LIPA: variants seen among roughly 807,000 people sequenced by gnomAD.
The protein encoded by LIPA is lysosomal acid lipase/cholesteryl ester hydrolase.
A neutral mutation model predicts 40.6 loss-of-function variants in LIPA; 26 were observed. The ratio of observed to expected loss-of-function variants is 0.64; its 90% CI spans 0.47 to 0.89. The LOEUF (loss-of-function observed/expected upper bound fraction) is 0.89. Ranked by LOEUF, LIPA falls within the 40% of genes least tolerant of loss-of-function variation. The pLI, the probability that LIPA is intolerant of heterozygous loss-of-function variation, is 0.00. For missense variants in LIPA, 455 were observed against 479.6 expected, an observed-to-expected ratio of 0.95 and a Z score of 0.48; for synonymous variants, 188 against 168.4, an observed-to-expected ratio of 1.12 and a Z score of -0.90.
chr10:89,218,209 A>C (rs191658172), intron 8 of LIPA, among the ~76,000 whole-genome samples: 16 of 152,332 alleles, frequency 1.1e-4, no homozygotes. Flanking sequence ...AAAGTACAAT[A>C]TGTATTAGAA....
chr10:89,294,550 AC>A (rs1843397177), intron 1 of LIPA, among the ~76,000 whole-genome samples: 1 of 152,014 alleles, frequency 6.6e-6, no homozygotes, highest in South Asian at 2.1e-4. Context: ...TAACCCAAAT[AC>A]CTCCCATTAG....
intron 2 of LIPA, among the ~76,000 whole-genome samples, chr10:89,407,544 C>G (rs1841432024): frequency 6.6e-6 from 1 of 152,180 alleles, no homozygotes; most frequent in Non-Finnish European, 1.5e-5. Flanking sequence ...ATTCCTGAAG[C>G]TAGAATATGG....
intron 3 of LIPA, among the ~76,000 whole-genome samples, chr10:89,232,232 T>C (rs2133442702): frequency 6.6e-6 from 1 of 152,346 alleles, no homozygotes; most frequent in African/African-American, 2.4e-5. Flanking sequence ...GCTGTACTGA[T>C]GGTGCCCAAC....
chr10:89,233,433 GA>G (rs1282153717), intron 3 of LIPA, among the ~76,000 whole-genome samples: 1 of 152,230 alleles, frequency 6.6e-6, no homozygotes, highest in East Asian at 1.9e-4. Context: ...ACATTCAGGT[GA>G]AAAGTTTTTA....
rs558091650 is a variant in LIPA at position 89,403,092 on chromosome 10, T to C, written c.61+9699A>G. On this transcript the variant is annotated intron_variant, in intron 2 of 8. Transcript: ENST00000371837. ...AGGCTCTGTGGATAAAGCTCTTGAG[T>C]TATTAAAAAAGGCCTTGCAGGAAAC... 25 of 1,614,008 alleles carry C rather than the reference T, an allele frequency of 1.5e-5. No homozygotes were observed. In the South Asian group the frequency reaches 2.5e-4, roughly 16 times the overall value.
upstream of LIPA, among the ~76,000 whole-genome samples, chr10:89,345,943 A>G (rs1843917224): frequency 6.6e-6 from 1 of 152,232 alleles, no homozygotes; most frequent in Admixed American, 6.5e-5. Context: ...CCTCAAATAC[A>G]TGAATTTCAC....
At chr10:89,216,392 T>C (rs1842626596) in intron 8 of LIPA, among the ~76,000 whole-genome samples, 1 of 147,228 alleles carries the variant, frequency 6.8e-6, no homozygotes. Context: ...GACAGATAGG[T>C]AGCTACATAT....
In LIPA at chr10:89,215,029, C is replaced by T. The variant is rs1237784091; in HGVS notation, c.999G>A (p.Met333Ile). Residue 333 changes from methionine to isoleucine, a missense_variant, in exon 10 of 10, where the codon ATG (methionine) becomes ATA (isoleucine). By Grantham distance (10) the Met-to-Ile change is conservative. Transcript: ENST00000336233. ...CGCTCCAGACTGCAGTCGGCACAAG[C>T]ATGTCCTTCACATTGTATGTGGGAG... ...SYPPTYNVKD[M>I]LVPTAVWSGG... 1.2e-6 allele frequency: 2 copies of T among 1,613,980 alleles called. No individual in the cohort carries two copies. The highest frequency in any genetic ancestry group is 1.7e-6 in the Non-Finnish European group (2 of 1,179,832).
chr10:89,245,811 G>A lies in LIPA; in HGVS notation c.112-18C>T, dbSNP rs754555108. On this transcript the variant is annotated intron_variant, in intron 2 of 9. Transcript: ENST00000336233. ...ATTTCACTCTGTAGAGAAAAAGGAC[G>A]ATGGAAATTGGGTGGACAGAATCTG... is the stretch of plus-strand genomic sequence containing the variant. 1.4e-5 allele frequency: 17 copies of A among 1,253,484 alleles called. No homozygotes were observed. Among genetic ancestry groups the A allele is most frequent in the South Asian group, 6.0e-5 (5 of 83,916 alleles). 77.6% of individuals were successfully genotyped at this position (1,253,484 alleles called of 1,614,324 possible).
chr10:89,389,975 C>CTTT (rs56947144), intron 2 of LIPA, among the ~76,000 whole-genome samples: 500 of 79,656 alleles, frequency 6.3e-3, no homozygotes, highest in East Asian at 8.2e-3. Flanking sequence ...AGATTTCTTT[C>CTTT]TTTTTTTTTT....
chr10:89,345,531 A>T (rs991454274), upstream of LIPA, among the ~76,000 whole-genome samples: 3 of 148,602 alleles, frequency 2.0e-5, no homozygotes, highest in Non-Finnish European at 1.5e-5. Context: ...TCCATCTCAA[A>T]AAATAAATAA....
At chr10:89,353,312 A>ACT (rs1843969865) in intron 2 of LIPA, among the ~76,000 whole-genome samples, 1 of 152,164 alleles carries the variant, frequency 6.6e-6, no homozygotes, top group Non-Finnish European at 1.5e-5. Context: ...TGGTATATGA[A>ACT]CTTCTTCTAG....
intron 1 of LIPA, chr10:89,307,478 T>C (rs1353137049): frequency 2.0e-5 from 19 of 940,140 alleles, no homozygotes; most frequent in East Asian, 2.4e-5. Flanking sequence ...GGCAAAAGAT[T>C]GGACTAAGAC....
At chr10:89,401,790 G>GA (rs59639947) in intron 2 of LIPA, among the ~76,000 whole-genome samples, 9 of 146,746 alleles carry the variant, frequency 6.1e-5, no homozygotes, top group Admixed American at 1.4e-4. Flanking sequence ...AAAAAAAAAT[G>GA]AAAAAAAAAA....
intron 2 of LIPA, chr10:89,383,432 G>T (rs1278381973): frequency 1.2e-6 from 2 of 1,614,212 alleles, no homozygotes; most frequent in Non-Finnish European, 1.7e-6. Flanking sequence ...AACAGGATCT[G>T]GGAAGAGATT....
intron 2 of LIPA, among the ~76,000 whole-genome samples, chr10:89,381,831 C>A (rs1342286911): frequency 6.6e-6 from 1 of 151,920 alleles, no homozygotes; most frequent in Non-Finnish European, 1.5e-5. Flanking sequence ...TGTTGCCCAG[C>A]CTGGAGTGCA....
At chr10:89,286,629 TCAACCCTGAGATGCTTTA>T (rs1843342896) in intron 1 of LIPA, among the ~76,000 whole-genome samples, 1 of 152,180 alleles carries the variant, frequency 6.6e-6, no homozygotes, top group East Asian at 1.9e-4. Flanking sequence ...TTGTTTGGCA[TCAACCCTGAGATGCTTTA>T]CAGCCCTAGA....
chr10:89,364,942 G>A (rs984386019), intron 2 of LIPA, among the ~76,000 whole-genome samples: 6 of 152,100 alleles, frequency 3.9e-5, no homozygotes, highest in African/African-American at 7.2e-5. Context: ...AACTGTCTGT[G>A]CAGAAATAAG....
chr10:89,410,281 T>A (rs1004963318), intron 2 of LIPA, among the ~76,000 whole-genome samples: 7 of 152,332 alleles, frequency 4.6e-5, no homozygotes, highest in African/African-American at 1.4e-4. Context: ...ACTGCCTACT[T>A]AGATACCAGG....
Sources: allele counts gnomAD v4.1 joint callset (sites outside exome capture counted in the v4.1 genomes callset), GRCh38; gene constraint gnomAD v4.1.1; transcripts MANE v1.5; gene names NCBI Gene and HGNC (gene_info 2026-07-23, HGNC 2026-07-21).